Variants in ERBB2 observed in about 807,000 individuals in gnomAD.
ERBB2 encodes receptor tyrosine-protein kinase erbB-2.
A neutral mutation model predicts 149.0 loss-of-function variants in ERBB2; 61 were observed. The ratio of observed to expected loss-of-function variants is 0.41; its 90% CI spans 0.33 to 0.51. The LOEUF is 0.51. ERBB2 is among the 20% of genes least tolerant of loss of function. The probability of loss-of-function intolerance (pLI) is 0.25; values close to 1 mark genes in which losing one functional copy is unlikely to be tolerated. For missense variants in ERBB2, 1,205 were observed against 1,655.1 expected (o/e 0.73, Z 4.72); for synonymous variants, 633 against 678.8 (o/e 0.93, Z 1.05).
Position 39,728,287 on chromosome 17 carries a change from T to C in ERBB2, c.*243T>C. On this transcript the variant is annotated 3_prime_UTR_variant, in exon 27 of 27. Transcript: ENST00000269571. ...TTGTGGATTCTGAGGCCCTGCCCAA[T>C]GAGACTCTAGGGTCCAGTGGATGCC... 2.2e-6 allele frequency: 1 copy of C among 445,996 alleles called. No homozygotes were observed. The allele number at this position is 445,996 out of a possible 1,614,324, so 27.6% of individuals were successfully genotyped here.
rs1416532705 is a variant in ERBB2, at chr17:39,709,435, C to T, written c.557C>T (p.Thr186Ile). 6.2e-7 allele frequency: 1 copy of T among 1,614,148 alleles called. No individual in the cohort carries two copies. The highest frequency in any genetic ancestry group is 1.1e-5 in the South Asian group (1 of 91,072). ...NNQLALTLID[T>I]NRSRACHPCS... The stretch of plus-strand genomic sequence containing the variant: ...CAGCTGGCTCTCACACTGATAGACA[C>T]CAACCGCTCTCGGGCCTGTAAGCCA... Residue 186 changes from threonine to isoleucine, a missense_variant, in exon 4 of 27, where the codon ACC (threonine) becomes ATC (isoleucine). This residue lies in a region of ERBB2 where 569 missense variants were observed against 803.5 expected (regional missense o/e 0.71). Coordinates refer to ENST00000269571, the MANE Select transcript of ERBB2 (RefSeq NM_004448.4).
chr17:39,703,471 A>G (rs2058231641), intron 1 of ERBB2: 1 of 152,222 alleles, frequency 6.6e-6, no homozygotes, highest in Non-Finnish European at 1.5e-5. Context: ...GAATTATTCT[A>G]GCGAATGTTT....
In ERBB2 at chr17:39,709,841, C is replaced by T. The variant is rs1174469564; in HGVS notation, c.603C>T (p.Gly201=). The T allele has an allele frequency of 6.2e-7, 1 of 1,613,510 alleles. No individual in the cohort carries two copies. The highest frequency in any genetic ancestry group is 2.2e-5 in the East Asian group (1 of 44,888). ...ACHPCSPMCK[G]SRCWGESSED... Reference sequence around the variant, plus strand: ...ACCCCTGTTCTCCGATGTGTAAGGGCTCCCGCTGCTGGGGAGAGAGTTCTG... The same window carrying T: ...ACCCCTGTTCTCCGATGTGTAAGGGTTCCCGCTGCTGGGGAGAGAGTTCTG... The change falls in exon 5 of 27, where the codon GGC becomes GGT. Residue 201 remains glycine (G), a synonymous_variant. Transcript: ENST00000269571.
chr17:39,723,013 G>A lies in ERBB2; in HGVS notation c.1947-306G>A, dbSNP rs566067122. 1.7e-3 allele frequency among the ~76,000 whole-genome samples: 253 copies of A among 152,216 alleles called. 3 individuals are homozygous for A. Among genetic ancestry groups the A allele is most frequent in the Non-Finnish European group, 7.8e-4 (53 of 68,018 alleles). On this transcript the variant is annotated intron_variant, in intron 16 of 26. Transcript: ENST00000269571. The surrounding 1 kb of genome is among the most constrained non-coding windows in gnomAD (Gnocchi z 6.2). ...GCTAGGATTCCAGGCATGAGCCACCGCGCCCAGAGTCCTTAGTGATTTTTA... is the reference window on the plus strand; with the variant it reads ...GCTAGGATTCCAGGCATGAGCCACCACGCCCAGAGTCCTTAGTGATTTTTA...
upstream of ERBB2, among the ~76,000 whole-genome samples, chr17:39,690,686 G>A (rs1410501407): frequency 6.6e-6 from 1 of 152,150 alleles, no homozygotes; most frequent in Non-Finnish European, 1.5e-5. Flanking sequence ...GGAGCCCCTA[G>A]TTCTCCCCTG....
rs1365717776 is a variant in ERBB2 at position 39,727,672 on chromosome 17, T to C, written c.3413-17T>C. 6.5e-7 allele frequency: 1 copy of C among 1,543,484 alleles called. No homozygotes were observed. Among genetic ancestry groups the C allele is most frequent in the South Asian group, 1.2e-5 (1 of 80,476 alleles). The stretch of plus-strand genomic sequence containing the variant: ...GGGTTCCTTCCCCTAATGGGTCACC[T>C]TCTCTTGACCTTTCAGAATATGTGA... On this transcript the variant is annotated splice_polypyrimidine_tract_variant and intron_variant, in intron 26 of 26. Transcript: ENST00000269571. The surrounding 1 kb of genome is among the most constrained non-coding windows in gnomAD (Gnocchi z 4.3).
intron 16 of ERBB2, among the ~76,000 whole-genome samples, chr17:39,720,635 A>G (rs1486940999): frequency 2.0e-5 from 3 of 152,154 alleles, no homozygotes; most frequent in Non-Finnish European, 2.9e-5. Context: ...AGCTCCATCT[A>G]TCCCAGGATG....
chr17:39,704,231 G>GGGGCAT (rs2058281063), intron 1 of ERBB2, among the ~76,000 whole-genome samples: 1 of 152,116 alleles, frequency 6.6e-6, no homozygotes, highest in Admixed American at 6.6e-5. Context: ...CTGAGGGGCA[G>GGGGCAT]GGTCCTGGAG....
intron 1 of ERBB2, 173 bp from the exon 2 acceptor site, chr17:39,706,817 A>C: frequency 2.1e-6 from 1 of 481,162 alleles, no homozygotes; most frequent in Non-Finnish European, 3.4e-6. Context: ...CAAGCACGCA[A>C]GCTTTCTCCT....
intron 16 of ERBB2, among the ~76,000 whole-genome samples, chr17:39,721,314 G>T (rs1272415162): frequency 6.7e-6 from 1 of 148,262 alleles, no homozygotes; most frequent in East Asian, 2.0e-4. Context: ...TGCCCAGGCT[G>T]GAGTGCAATG....
Position 39,726,146 on chromosome 17 carries a change from C to T in ERBB2, c.2872+293C>T. On this transcript the variant is annotated intron_variant, in intron 23 of 26. Transcript: ENST00000269571. This position sits in a 1 kb window ranked among gnomAD's most constrained non-coding sequence, Gnocchi z 5.1. ...GCCAGGAGTTCAAGACCAGCCTGGG[C>T]AACATAGTGAGATCCTATCTCTACA... is the stretch of plus-strand genomic sequence containing the variant. 2.3e-6 allele frequency: 1 copy of T among 441,256 alleles called. No individual in the cohort carries two copies. 27.3% of individuals were successfully genotyped at this position (441,256 alleles called of 1,614,324 possible).
At chr17:39,712,069 G>A (rs745804435) in intron 8 of ERBB2, 22 bp downstream of exon 8, 2 of 1,613,642 alleles carry the variant, frequency 1.2e-6, no homozygotes, top group South Asian at 2.2e-5. Flanking sequence ...CTGCCCCCGA[G>A]GCCAGCTGCA....
At position 39,725,417 on chromosome 17, in the gene ERBB2, G is replaced by C. The variant is rs774844012; in HGVS notation, c.2725+15G>C. ...GTGGAGTTATGGTGTGTGATGGGGG[G>C]TGTTGGGAGGGGTGGGTGAGGAGCC... On this transcript the variant is annotated intron_variant, in intron 22 of 26. Transcript: ENST00000269571. This position sits in a 1 kb window ranked among gnomAD's most constrained non-coding sequence, Gnocchi z 4.6. 2 of 1,608,946 alleles carry C rather than the reference G, an allele frequency of 1.2e-6. No individual in the cohort carries two copies. Among genetic ancestry groups the C allele is most frequent in the Non-Finnish European group, 1.7e-6 (2 of 1,175,476 alleles).
At chr17:39,718,686 T>C (rs2059285102) in intron 15 of ERBB2, among the ~76,000 whole-genome samples, 1 of 151,728 alleles carries the variant, frequency 6.6e-6, no homozygotes, top group African/African-American at 2.4e-5. Context: ...CACTTTGCTT[T>C]CCCCCCGACT....
upstream of ERBB2, among the ~76,000 whole-genome samples, chr17:39,691,989 G>T (rs2057725048): frequency 1.4e-5 from 2 of 147,222 alleles, no homozygotes; most frequent in Non-Finnish European, 3.0e-5. Context: ...GAGTAGCTGG[G>T]ATTACAGGTG....
chr17:39,695,747 ACACACACACAC>A (rs1369897024), upstream of ERBB2, among the ~76,000 whole-genome samples: 1 of 147,642 alleles, frequency 6.8e-6, no homozygotes, highest in East Asian at 1.9e-4. Context: ...ACACACACAC[ACACACACACAC>A]GTCTCCTGTG....
In ERBB2 at chr17:39,727,628, G is replaced by C. The variant is rs2059849643; in HGVS notation, c.3413-61G>C. The C allele has an allele frequency of 1.9e-6, 3 of 1,558,206 alleles. No individual in the cohort carries two copies. The Admixed American group carries it at 6.4e-5, about 33-fold the overall frequency. ...GCCCAGGGTCCACTGTGGGGGCAGA[G>C]GGAGTGGCAGAGACACCGGGGTTCC... On this transcript the variant is annotated intron_variant, in intron 26 of 26. Coordinates refer to ENST00000269571, the MANE Select transcript of ERBB2 (RefSeq NM_004448.4). This position sits in a 1 kb window ranked among gnomAD's most constrained non-coding sequence, Gnocchi z 4.3.
intron 19 of ERBB2, among the ~76,000 whole-genome samples, chr17:39,724,288 T>TTTTTTTTTTA (rs1567912499): frequency 6.9e-6 from 1 of 144,104 alleles, no homozygotes; most frequent in African/African-American, 2.5e-5. Context: ...TTTTTTTTTT[T>TTTTTTTTTTA]GAGACAGAGT....
chr17:39,719,750 G>A (rs1362161273), intron 15 of ERBB2, 37 bp from the exon 16 acceptor site: 2 of 1,610,154 alleles, frequency 1.2e-6, no homozygotes, highest in South Asian at 2.2e-5. Context: ...CAAGAGGGTG[G>A]TTCCCAGAAT....
Sources: allele counts gnomAD v4.1 joint callset (sites outside exome capture counted in the v4.1 genomes callset), GRCh38; gene constraint gnomAD v4.1.1; regional missense constraint gnomAD v4.1.1; non-coding constraint Gnocchi (gnomAD v3.1); transcripts MANE v1.5; gene names NCBI Gene and HGNC (gene_info 2026-07-23, HGNC 2026-07-21).